Variants in HID1 observed in about 807,000 individuals in gnomAD.
HID1 encodes protein HID1.
A neutral mutation model predicts 89.7 loss-of-function variants in HID1; 42 were observed. The ratio of observed to expected loss-of-function variants is 0.47; its 90% CI spans 0.37 to 0.61. The LOEUF is 0.61. HID1 is among the 20% of genes least tolerant of loss of function. HID1 has a pLI of 0.00. For missense variants in HID1, 854 were observed against 1,039.3 expected, an observed-to-expected ratio of 0.82 and a Z score of 2.45; for synonymous variants, 442 against 433.8, an observed-to-expected ratio of 1.02 and a Z score of -0.24.
intron 12 of HID1, among the ~76,000 whole-genome samples, chr17:74,957,391 T>C (rs2039405973): frequency 6.7e-6 from 1 of 149,858 alleles, no homozygotes; most frequent in African/African-American, 2.5e-5. Flanking sequence ...GGCTGAGGCA[T>C]GAGGATCACT....
Position 74,972,531 on chromosome 17 carries a change from G to T in HID1, c.66+60C>A. 2 of 1,460,218 alleles carry T rather than the reference G, an allele frequency of 1.4e-6. No homozygotes were observed. 90.5% of individuals were successfully genotyped at this position (1,460,218 alleles called of 1,614,324 possible). ...CGACGAGCCAAGTTCGCGTACCCCC[G>T]GCCCTGCCCAGCCCCCAGCCCGGCA... On this transcript the variant is annotated intron_variant, in intron 1 of 18. Coordinates refer to ENST00000425042, the MANE Select transcript of HID1 (RefSeq NM_030630.3). This position sits in a 1 kb window ranked among gnomAD's most constrained non-coding sequence, Gnocchi z 6.4.
chr17:74,959,816 C>G lies in HID1; in HGVS notation c.1008+65G>C. On this transcript the variant is annotated intron_variant, in intron 8 of 18. Transcript: ENST00000425042. This position sits in a 1 kb window ranked among gnomAD's most constrained non-coding sequence, Gnocchi z 4.6. ...TTCCTTCATGGAGGGGTCAGGATCC[C>G]CCATATCCCTGTCTCACTTGCATCC... 1 of 1,541,740 alleles carries G rather than the reference C, an allele frequency of 6.5e-7. No homozygotes were observed. The highest frequency in any genetic ancestry group is 9.0e-7 in the Non-Finnish European group (1 of 1,115,910).
Position 74,958,863 on chromosome 17 carries a change from G to A in HID1, c.1149+48C>T. 6.3e-7 allele frequency: 1 copy of A among 1,582,634 alleles called. No homozygotes were observed. The highest frequency in any genetic ancestry group is 8.6e-7 in the Non-Finnish European group (1 of 1,164,486). On this transcript the variant is annotated intron_variant, in intron 9 of 18. Transcript: ENST00000425042. This position sits in a 1 kb window ranked among gnomAD's most constrained non-coding sequence, Gnocchi z 5.2. ...CACTGTCCCTGCCCCCGGGTTATTG[G>A]GGCAGCTGCTCTCCATCTCCCTGCA... is the stretch of plus-strand genomic sequence containing the variant.
At chr17:74,968,957 T>C (rs373102292) in intron 1 of HID1, among the ~76,000 whole-genome samples, 2 of 152,224 alleles carry the variant, frequency 1.3e-5, no homozygotes, top group East Asian at 3.9e-4. Flanking sequence ...AGCCTTGAAC[T>C]TTAGGAACAG....
intron 17 of HID1, 70 bp downstream of exon 17, chr17:74,952,199 C>G: frequency 6.5e-7 from 1 of 1,538,730 alleles, no homozygotes; most frequent in South Asian, 1.1e-5. Flanking sequence ...GCCCACCTGC[C>G]CACACCACCG....
chr17:74,971,229 C>T (rs1428108882), intron 1 of HID1, among the ~76,000 whole-genome samples: 1 of 152,194 alleles, frequency 6.6e-6, no homozygotes, highest in East Asian at 1.9e-4. Context: ...ACATGGGAGC[C>T]TCCCTTCCTC....
rs764572535 is a variant in HID1 at position 74,954,441 on chromosome 17, GA to G, written c.1637-77del. On this transcript the variant is annotated intron_variant, in intron 13 of 18. Coordinates refer to ENST00000425042, the MANE Select transcript of HID1 (RefSeq NM_030630.3). ...CCGTCCAATCTGGGTGGGCTTCCTG[GA>G]AGGGGGAGTTTGGAGGACAGGAGGG... is the stretch of plus-strand genomic sequence containing the variant. 3.9e-6 allele frequency: 6 copies of G among 1,542,558 alleles called. No individual in the cohort carries two copies. The East Asian group carries it at 9.8e-5, about 25-fold the overall frequency.
At chr17:74,967,266 C>T (rs186632289) in intron 1 of HID1, among the ~76,000 whole-genome samples, 120 of 148,866 alleles carry the variant, frequency 8.1e-4, no homozygotes, top group African/African-American at 1.2e-3. Context: ...ATAGGCCAGG[C>T]GCGGTGGCTC....
At chr17:74,963,715 C>T in intron 3 of HID1, 25 bp downstream of exon 3, 1 of 1,577,646 alleles carries the variant, frequency 6.3e-7, no homozygotes, top group Non-Finnish European at 8.6e-7. Flanking sequence ...CTGCCTCCCA[C>T]CCAGCCCTGG....
chr17:74,972,689 C>G lies in HID1; in HGVS notation c.-33G>C. 1 of 1,525,422 alleles carries G rather than the reference C, an allele frequency of 6.6e-7. No homozygotes were observed. Among genetic ancestry groups the G allele is most frequent in the Non-Finnish European group, 8.8e-7 (1 of 1,134,464 alleles). The allele number at this position is 1,525,422 out of a possible 1,614,324, so 94.5% of individuals were successfully genotyped here. On this transcript the variant is annotated 5_prime_UTR_variant, in exon 1 of 19. Transcript: ENST00000425042. This position sits in a 1 kb window ranked among gnomAD's most constrained non-coding sequence, Gnocchi z 6.4. Reference sequence around the variant, plus strand: ...GAGCCCGCTCCGGCCCGGCCCCCGCCCAGACTCCAACCCGGCTCCGGCTTC... The same window carrying G: ...GAGCCCGCTCCGGCCCGGCCCCCGCGCAGACTCCAACCCGGCTCCGGCTTC...
chr17:74,972,742 G>T lies in HID1; in HGVS notation c.-86C>A. 1 of 1,316,722 alleles carries T rather than the reference G, an allele frequency of 7.6e-7. No individual in the cohort carries two copies. Among genetic ancestry groups the T allele is most frequent in the East Asian group, 3.1e-5 (1 of 32,378 alleles). 81.6% of individuals were successfully genotyped at this position (1,316,722 alleles called of 1,614,324 possible). On this transcript the variant is annotated 5_prime_UTR_variant, in exon 1 of 19. Coordinates refer to ENST00000425042, the MANE Select transcript of HID1 (RefSeq NM_030630.3). The surrounding 1 kb of genome is among the most constrained non-coding windows in gnomAD (Gnocchi z 6.4). Reference sequence around the variant, plus strand: ...CTCCGGCTCCAGCTCCGCGGCCCCCGCGGCTCTCGCAGGAGACAAGCGGCG... The same window carrying T: ...CTCCGGCTCCAGCTCCGCGGCCCCCTCGGCTCTCGCAGGAGACAAGCGGCG...
intron 12 of HID1, among the ~76,000 whole-genome samples, chr17:74,956,483 C>T (rs1266600775): frequency 6.6e-6 from 1 of 152,182 alleles, no homozygotes; most frequent in East Asian, 1.9e-4. Context: ...TGTCTTGTGT[C>T]ATTTTCCCTC....
In HID1 at chr17:74,960,029, G is replaced by A. The variant is rs3744198; in HGVS notation, c.948C>T (p.Ala316=). ...CCTTCCATGCTCCCATCCTTACATC[G>A]GCATCATCCATGGCGGTGCCAGTGG... ...GTTTGTAMDD[A]DPPGPENLFV... is the part of the protein sequence containing the mutation. The change falls in exon 7 of 19, where the codon GCC becomes GCT. Residue 316 remains alanine (A), a synonymous_variant. Transcript: ENST00000425042. 0.44 allele frequency: 707,435 copies of A among 1,612,762 alleles called. 164,698 individuals are homozygous for A. The highest frequency in any genetic ancestry group is 0.49 in the Non-Finnish European group (578,952 of 1,179,302).
chr17:74,969,768 A>AC (rs2039616920), intron 1 of HID1, among the ~76,000 whole-genome samples: 1 of 150,376 alleles, frequency 6.6e-6, no homozygotes, highest in Non-Finnish European at 1.5e-5. Flanking sequence ...AGCCCAGCTA[A>AC]TTTTTTTTAT....
Position 74,951,639 on chromosome 17 carries a change from G to A in HID1, c.2304-6C>T, listed in dbSNP as rs369318449. The A allele has an allele frequency of 8.1e-6, 13 of 1,611,390 alleles. No individual in the cohort carries two copies. In the African/African-American group the frequency reaches 1.6e-4, roughly 20 times the overall value. The stretch of plus-strand genomic sequence containing the variant: ...AGACAGGGGGGTCCACATTCCTGTG[G>A]AGGAAATGGGGGGTTACCCAGGTGC... On this transcript the variant is annotated splice_polypyrimidine_tract_variant and splice_region_variant and intron_variant, in intron 18 of 18. Coordinates refer to ENST00000425042, the MANE Select transcript of HID1 (RefSeq NM_030630.3).
chr17:74,962,183 C>G lies in HID1; in HGVS notation c.611+51G>C, dbSNP rs1200733252. 6.7e-7 allele frequency: 1 copy of G among 1,484,482 alleles called. No individual in the cohort carries two copies. Among genetic ancestry groups the G allele is most frequent in the Admixed American group, 1.8e-5 (1 of 56,382 alleles). 92.0% of individuals were successfully genotyped at this position (1,484,482 alleles called of 1,614,324 possible). ...TGGGCTTTCTGAGCTGTGCGGGGGC[C>G]CGGCCCGGGGTCCAGCTGCATTGAG... On this transcript the variant is annotated intron_variant, in intron 5 of 18. Coordinates refer to ENST00000425042, the MANE Select transcript of HID1 (RefSeq NM_030630.3). The surrounding 1 kb of genome is among the most constrained non-coding windows in gnomAD (Gnocchi z 4.3).
In HID1 at chr17:74,972,717, C is replaced by T; in HGVS notation, c.-61G>A. ...GACTCCAACCCGGCTCCGGCTTCAGCTCCGGCTCCAGCTCCGCGGCCCCCG... is the reference window on the plus strand; with the variant it reads ...GACTCCAACCCGGCTCCGGCTTCAGTTCCGGCTCCAGCTCCGCGGCCCCCG... On this transcript the variant is annotated 5_prime_UTR_variant, in exon 1 of 19. Coordinates refer to ENST00000425042, the MANE Select transcript of HID1 (RefSeq NM_030630.3). This position sits in a 1 kb window ranked among gnomAD's most constrained non-coding sequence, Gnocchi z 6.4. 1.4e-6 allele frequency: 2 copies of T among 1,451,256 alleles called. No individual in the cohort carries two copies. The highest frequency in any genetic ancestry group is 1.8e-6 in the Non-Finnish European group (2 of 1,083,600). 89.9% of individuals were successfully genotyped at this position (1,451,256 alleles called of 1,614,324 possible). A position where few individuals can be genotyped will look rare whatever the true frequency, so the allele number is the denominator to read the frequency against.
chr17:74,953,196 G>A (rs2039333377), intron 15 of HID1, 110 bp from the exon 16 acceptor site: 14 of 956,740 alleles, frequency 1.5e-5, no homozygotes, highest in Non-Finnish European at 1.9e-5. Context: ...AAAGGGGAAG[G>A]CCCAGCCCAG....
intron 12 of HID1, among the ~76,000 whole-genome samples, chr17:74,957,613 A>ATTTT (rs1567959426): frequency 6.8e-5 from 10 of 146,990 alleles, no homozygotes; most frequent in East Asian, 2.0e-4. Flanking sequence ...TTTTTTTTAA[A>ATTTT]AAAAGGCCAG....
Sources: gnomAD v4.1 joint callset for allele counts (sites outside exome capture counted in the v4.1 genomes callset) on GRCh38, gnomAD v4.1.1 for gene constraint, Gnocchi (gnomAD v3.1) non-coding constraint, MANE v1.5 for transcripts, NCBI Gene and HGNC (gene_info 2026-07-23, HGNC 2026-07-21) for gene names.